SHMT1: variants seen among roughly 807,000 people sequenced by gnomAD.
SHMT1 encodes the protein serine hydroxymethyltransferase, cytosolic.
Under a neutral mutation model 49.0 loss-of-function variants are expected in SHMT1, and 45 were observed. The ratio of observed to expected loss-of-function variants is 0.92; its 90% CI spans 0.72 to 1.18. SHMT1 has a LOEUF of 1.18. SHMT1 is among the 50% of genes most tolerant of loss of function. The probability of loss-of-function intolerance (pLI) is 0.00; values close to 1 mark genes in which losing one functional copy is unlikely to be tolerated. For missense variants in SHMT1, 541 were observed against 612.4 expected, an observed-to-expected ratio of 0.88 and a Z score of 1.23; for synonymous variants, 232 against 246.6, an observed-to-expected ratio of 0.94 and a Z score of 0.55.
At chr17:18,330,869 T>C in intron 9 of SHMT1, 198 bp from the exon 10 acceptor site, 1 of 630,342 alleles carries the variant, frequency 1.6e-6, no homozygotes, top group Non-Finnish European at 2.9e-6. Context: ...CAGAGCACTT[T>C]TGAAAGGGGT....
chr17:18,357,032 A>G (rs1986300932), intron 1 of SHMT1, among the ~76,000 whole-genome samples: 1 of 152,136 alleles, frequency 6.6e-6, no homozygotes, highest in African/African-American at 2.4e-5. Context: ...CTGCAATCCC[A>G]GCACTTTGGG....
At chr17:18,353,944 C>CA in intron 2 of SHMT1, 127 bp from the exon 3 acceptor site, 1 of 880,802 alleles carries the variant, frequency 1.1e-6, no homozygotes, top group Admixed American at 1.9e-5. Flanking sequence ...GAATCCTCCT[C>CA]AAAGGTTTTA....
At chr17:18,357,828 G>A (rs937334856) in intron 1 of SHMT1, among the ~76,000 whole-genome samples, 4 of 150,788 alleles carry the variant, frequency 2.7e-5, no homozygotes, top group African/African-American at 9.7e-5. Flanking sequence ...GGGCATGGTG[G>A]GATGGGCCTA....
rs1047421108 is a variant in SHMT1, at chr17:18,328,972, C to G, written c.1283-53G>C. 4 of 1,606,976 alleles carry G rather than the reference C, an allele frequency of 2.5e-6. No homozygotes were observed. The African/African-American group carries it at 4.0e-5, about 16-fold the overall frequency. On this transcript the variant is annotated intron_variant, in intron 11 of 11. Coordinates refer to ENST00000316694, the MANE Select transcript of SHMT1 (RefSeq NM_004169.5). ...CCCACACTACACACCAAAGGGGGTA[C>G]AATGGCTGGGGGCCGAGGCACAAAT...
intron 5 of SHMT1, 46 bp downstream of exon 5, chr17:18,347,450 G>A: frequency 6.2e-7 from 1 of 1,605,732 alleles, no homozygotes. Context: ...CCAAGCATCA[G>A]AGGTTTCCCA....
At chr17:18,358,443 T>G (rs1012943038) in intron 1 of SHMT1, among the ~76,000 whole-genome samples, 1 of 150,702 alleles carries the variant, frequency 6.6e-6, no homozygotes, top group African/African-American at 2.4e-5. Context: ...TGAGCCAAGA[T>G]CACCACTGCA....
intron 7 of SHMT1, among the ~76,000 whole-genome samples, chr17:18,338,600 C>T (rs1327911722): frequency 5.3e-5 from 8 of 152,118 alleles, no homozygotes; most frequent in Admixed American, 1.3e-4. Flanking sequence ...ATGACGATGG[C>T]GGTTTTGTCG....
At chr17:18,351,470 T>C (rs921823449) in intron 3 of SHMT1, among the ~76,000 whole-genome samples, 1 of 151,658 alleles carries the variant, frequency 6.6e-6, no homozygotes, top group South Asian at 2.1e-4. Context: ...AAAAGAGCCC[T>C]TTAATTGGCT....
chr17:18,338,503 G>A (rs1306932893), intron 7 of SHMT1, among the ~76,000 whole-genome samples: 4 of 151,860 alleles, frequency 2.6e-5, no homozygotes, highest in Non-Finnish European at 4.4e-5. Flanking sequence ...CTGCCCGGCC[G>A]CCCCTTCTGG....
Position 18,330,649 on chromosome 17 carries a change from G to C in SHMT1, c.1077C>G (p.Ile359Met). The change falls in exon 10 of 12, where the codon ATC (isoleucine) becomes ATG (methionine). Residue 359 changes from isoleucine to methionine, a missense_variant. Transcript: ENST00000316694. ...IVTGGSDNHL[I>M]LVDLRSKGTD... ...TGCCTTTGGAACGGAGATCCACAAG[G>C]ATCAAATGGTTGTCAGAACCACCTG... 1 of 1,613,948 alleles carries C rather than the reference G, an allele frequency of 6.2e-7. No individual in the cohort carries two copies. The highest frequency in any genetic ancestry group is 1.1e-5 in the South Asian group (1 of 91,074).
intron 7 of SHMT1, among the ~76,000 whole-genome samples, chr17:18,337,918 G>C (rs1239471111): frequency 3.0e-5 from 4 of 132,572 alleles, no homozygotes; most frequent in East Asian, 2.1e-4. Context: ...ATCTCGGCTC[G>C]CTACAACCTC....
intron 1 of SHMT1, 102 bp from the exon 2 acceptor site, chr17:18,356,102 G>C (rs1313464295): frequency 5.6e-6 from 3 of 535,230 alleles, no homozygotes; most frequent in Non-Finnish European, 6.5e-6. Flanking sequence ...GCCCAGGCTA[G>C]AGTGCAGTGG....
intron 5 of SHMT1, among the ~76,000 whole-genome samples, chr17:18,341,915 T>G (rs532499305): frequency 7.2e-5 from 11 of 152,118 alleles, no homozygotes; most frequent in Non-Finnish European, 1.2e-4. Flanking sequence ...GACGCTGCAG[T>G]GCAGTGGGGA....
intron 9 of SHMT1, 93 bp downstream of exon 9, chr17:18,333,073 A>G (rs1308487096): frequency 6.7e-7 from 1 of 1,495,700 alleles, no homozygotes; most frequent in African/African-American, 1.4e-5. Context: ...CTGCAGCAGC[A>G]GAGCCTGGGC....
chr17:18,335,616 T>C lies in SHMT1; in HGVS notation c.874A>G (p.Ile292Val). 1 of 1,614,178 alleles carries C rather than the reference T, an allele frequency of 6.2e-7. No individual in the cohort carries two copies. The highest frequency in any genetic ancestry group is 8.5e-7 in the Non-Finnish European group (1 of 1,180,038). The change falls in exon 8 of 12, where the codon ATC (isoleucine) becomes GTC (valine). Residue 292 changes from isoleucine (I) to valine (V), a missense_variant. Physicochemically the swap from Ile to Val is conservative, Grantham distance 29. Coordinates refer to ENST00000316694, the MANE Select transcript of SHMT1 (RefSeq NM_004169.5). ...KEILYNLESL[I>V]NSAVFPGLQG... ...AGGCCAGGGAACACAGCAGAATTGA[T>C]AAGAGACTCCAGGTTGTACAGAATC... is the stretch of plus-strand genomic sequence containing the variant.
At chr17:18,329,833 G>T (rs1982985657) in intron 10 of SHMT1, among the ~76,000 whole-genome samples, 1 of 152,150 alleles carries the variant, frequency 6.6e-6, no homozygotes, top group Admixed American at 6.5e-5. Context: ...GACAGCCAAG[G>T]TATGGTCCCT....
At position 18,334,940 on chromosome 17, in the gene SHMT1, G is replaced by A. The variant is rs184533395; in HGVS notation, c.931+619C>T. ...GCTGTCCCCAGGTTCCTCTCTAGAA[G>A]TGCTTGTGCGTCTCCTGAGAAGCTA... is the stretch of plus-strand genomic sequence containing the variant. On this transcript the variant is annotated intron_variant, in intron 8 of 11. Transcript: ENST00000316694. Among the ~76,000 whole-genome samples, 17 of 152,338 alleles carry A rather than the reference G, an allele frequency of 1.1e-4. No homozygotes were observed. The East Asian group carries it at 3.3e-3, about 29-fold the overall frequency.
intron 9 of SHMT1, chr17:18,332,183 C>T (rs979716553): frequency 2.6e-5 from 4 of 152,238 alleles, no homozygotes; most frequent in Admixed American, 6.5e-5. Flanking sequence ...ACAGTCTGCA[C>T]GAGGACTTCT....
At chr17:18,357,468 T>C (rs1187790980) in intron 1 of SHMT1, among the ~76,000 whole-genome samples, 1 of 152,052 alleles carries the variant, frequency 6.6e-6, no homozygotes, top group African/African-American at 2.4e-5. Flanking sequence ...ATATAGGCAG[T>C]TGGGATCATC....
Sources: allele counts gnomAD v4.1 joint callset (sites outside exome capture counted in the v4.1 genomes callset), GRCh38; gene constraint gnomAD v4.1.1; transcripts MANE v1.5; gene names NCBI Gene and HGNC (gene_info 2026-07-23, HGNC 2026-07-21).